The following HERC1 variants were observed in gnomAD, a reference collection of about 807,000 sequenced individuals.
HERC1 encodes HECT and RLD domain containing E3 ubiquitin protein ligase family member 1.
Under a neutral mutation model 554.3 loss-of-function variants are expected in HERC1, and 160 were observed. The ratio of observed to expected loss-of-function variants is 0.29; its 90% CI spans 0.25 to 0.33. The LOEUF (loss-of-function observed/expected upper bound fraction) is 0.33. Among genes scored for constraint, HERC1 ranks in the 10% least tolerant of loss-of-function variants. The pLI is 1.00. For synonymous variants in HERC1, 2,175 were observed against 2,131.7 expected (o/e 1.02, Z -0.56); for missense variants, 4,919 against 5,918.5 (o/e 0.83, Z 5.54).
rs748021465 is a variant in HERC1 at position 63,723,175 on chromosome 15, A to G, written c.3742+7T>C. The stretch of plus-strand genomic sequence containing the variant: ...CAAATTTACTCCCTTTATCTTCTTT[A>G]TCTTACCTTTACTAACAGCATAGTC... On this transcript the variant is annotated splice_region_variant and intron_variant, in intron 19 of 77. Coordinates refer to ENST00000443617, the MANE Select transcript of HERC1 (RefSeq NM_003922.4). 3 of 1,433,576 alleles carry G rather than the reference A, an allele frequency of 2.1e-6. No individual in the cohort carries two copies. In the South Asian group the frequency reaches 5.0e-5, roughly 24 times the overall value. The allele number at this position is 1,433,576 out of a possible 1,614,324, so 88.8% of individuals were successfully genotyped here. A position where few individuals can be genotyped will look rare whatever the true frequency, so the allele number is the denominator to read the frequency against.
At chr15:63,702,876 T>G (rs2072797003) in intron 25 of HERC1, among the ~76,000 whole-genome samples, 1 of 151,672 alleles carries the variant, frequency 6.6e-6, no homozygotes, top group Admixed American at 6.6e-5. Flanking sequence ...GAGACCAAGG[T>G]GGGGGGATCA....
chr15:63,616,816 G>A (rs891001513), intron 74 of HERC1, 134 bp from the exon 75 acceptor site: 7 of 779,618 alleles, frequency 9.0e-6, no homozygotes, highest in Admixed American at 2.8e-5. Context: ...TAAGGCTAAA[G>A]TAATTAAATA....
rs2070001960 is a variant in HERC1 at position 63,655,818 on chromosome 15, C to T, written c.10008G>A (p.Gln3336=). The change falls in exon 50 of 78, where the codon CAG becomes CAA. Residue 3336 remains glutamine, a synonymous_variant. Transcript: ENST00000443617. ...TGTCTGCTAGCAATGCCACAAGGGC[C>T]TGTGTTACAACAAAGTTTGGGGAGG... ...LVTSPNFVVT[Q]ALVALLADKG... 1 of 1,595,256 alleles carries T rather than the reference C, an allele frequency of 6.3e-7. No individual in the cohort carries two copies. Among genetic ancestry groups the T allele is most frequent in the Non-Finnish European group, 8.5e-7 (1 of 1,170,024 alleles).
At position 63,797,055 on chromosome 15, in the gene HERC1, T is replaced by C. The variant is rs185310026; in HGVS notation, c.-26-21406A>G. Among the ~76,000 whole-genome samples, 62 of 152,296 alleles carry C rather than the reference T, an allele frequency of 4.1e-4. No homozygotes were observed. In the East Asian group the frequency reaches 0.011, roughly 28 times the overall value. ...GAGAGGAGGGGGCCATTCAGATGGT[T>C]AGAGAGCTTAGAATTTTATTTTTAG... On this transcript the variant is annotated intron_variant, in intron 1 of 77. Coordinates refer to ENST00000443617, the MANE Select transcript of HERC1 (RefSeq NM_003922.4).
In HERC1 at chr15:63,636,005, G is replaced by T. The variant is rs767078045; in HGVS notation, c.12370C>A (p.Arg4124=). 2 of 1,613,868 alleles carry T rather than the reference G, an allele frequency of 1.2e-6. No individual in the cohort carries two copies. Among genetic ancestry groups the T allele is most frequent in the Admixed American group, 1.7e-5 (1 of 59,986 alleles). Residue 4124 remains arginine, a synonymous_variant, in exon 65 of 78, where the codon CGG becomes AGG. Transcript: ENST00000443617. ...LGHGNSDRQR[R]PRQIEALQGE... ...TGTAAGGCCTCGATCTGCCTGGGCC[G>T]CCGCTGCCTGTCGCTGTTCCCATGG...
chr15:63,826,463 T>A (rs964617369), intron 1 of HERC1, among the ~76,000 whole-genome samples: 1 of 152,092 alleles, frequency 6.6e-6, no homozygotes, highest in Non-Finnish European at 1.5e-5. Context: ...AACCAGTAAC[T>A]ACCATATCAC....
At chr15:63,690,882 G>GTC (rs1434963221) in intron 31 of HERC1, among the ~76,000 whole-genome samples, 3 of 152,092 alleles carry the variant, frequency 2.0e-5, no homozygotes, top group Admixed American at 6.5e-5. Flanking sequence ...TTGTAAAAAA[G>GTC]TATCTGTGCC....
rs1465034367 is a variant in HERC1 at position 63,734,409 on chromosome 15, T to C, written c.2646+315A>G. ...ACGATTTCAGACAAAGTTCTCAGCA[T>C]GGAACCAACAGTAGCACATACACTT... is the stretch of plus-strand genomic sequence containing the variant. On this transcript the variant is annotated intron_variant, in intron 13 of 77. Transcript: ENST00000443617. This position sits in a 1 kb window ranked among gnomAD's most constrained non-coding sequence, Gnocchi z 4.6. Among the ~76,000 whole-genome samples the C allele has an allele frequency of 2.0e-5, 3 of 152,216 alleles. No homozygotes were observed.
At chr15:63,682,996 C>G (rs1198827455) in intron 34 of HERC1, among the ~76,000 whole-genome samples, 1 of 151,918 alleles carries the variant, frequency 6.6e-6, no homozygotes, top group Admixed American at 6.6e-5. Context: ...ATTAGCCAGG[C>G]ATGCTGATGC....
chr15:63,763,674 A>C (rs186664925), intron 3 of HERC1, among the ~76,000 whole-genome samples: 1 of 152,238 alleles, frequency 6.6e-6, no homozygotes, highest in East Asian at 1.9e-4. Context: ...TCAAAGTCAC[A>C]ATAGTGGTTA....
intron 43 of HERC1, 141 bp downstream of exon 43, chr15:63,664,329 A>C: frequency 3.0e-6 from 2 of 676,466 alleles, no homozygotes; most frequent in Non-Finnish European, 4.8e-6. Context: ...ATGCATAGAA[A>C]ATGATATCCA....
At position 63,701,032 on chromosome 15, in the gene HERC1, G is replaced by T. The variant is rs373656985; in HGVS notation, c.4637-2036C>A. The stretch of plus-strand genomic sequence containing the variant: ...CATTGAACTTGTTTTTTGGGGGGGT[G>T]TTTTTTTTTAAATATTAAAATTTTA... On this transcript the variant is annotated intron_variant, in intron 25 of 77. Transcript: ENST00000443617. 4.1e-4 allele frequency among the ~76,000 whole-genome samples: 62 copies of T among 150,208 alleles called. No homozygotes were observed. In the East Asian group the frequency reaches 9.1e-3, roughly 22 times the overall value.
At chr15:63,683,135 CAAAAA>C (rs1336396917) in intron 34 of HERC1, among the ~76,000 whole-genome samples, 2 of 77,736 alleles carry the variant, frequency 2.6e-5, no homozygotes, top group African/African-American at 5.4e-5. Context: ...CACTCTGTCT[CAAAAA>C]AAAAAAAAAA....
chr15:63,693,842 TAAAC>T (rs2072259777), intron 30 of HERC1, 118 bp downstream of exon 30: 3 of 1,024,268 alleles, frequency 2.9e-6, no homozygotes, highest in Admixed American at 2.9e-5. Flanking sequence ...GGTTTGTAAA[TAAAC>T]AAATAAAAAT....
At chr15:63,653,790 T>C (rs1416641362) in intron 51 of HERC1, among the ~76,000 whole-genome samples, 1 of 152,222 alleles carries the variant, frequency 6.6e-6, no homozygotes, top group African/African-American at 2.4e-5. Context: ...TATTTTCCAT[T>C]GGTAGTTGGT....
chr15:63,691,226 G>A lies in HERC1; in HGVS notation c.5831-579C>T, dbSNP rs192528848. On this transcript the variant is annotated intron_variant, in intron 31 of 77. Coordinates refer to ENST00000443617, the MANE Select transcript of HERC1 (RefSeq NM_003922.4). ...CATGCCTGTAATCCCAGCACTTTGG[G>A]AGGCTGAGGCGGGCAGATCACTTAA... 2.5e-4 allele frequency among the ~76,000 whole-genome samples: 38 copies of A among 152,300 alleles called. 2 individuals carry two copies. The East Asian group carries it at 7.3e-3, about 29-fold the overall frequency.
Position 63,727,743 on chromosome 15 carries a change from A to C in HERC1, c.3250T>G (p.Tyr1084Asp). 1 of 1,613,958 alleles carries C rather than the reference A, an allele frequency of 6.2e-7. No homozygotes were observed. Among genetic ancestry groups the C allele is most frequent in the African/African-American group, 1.3e-5 (1 of 75,060 alleles). Residue 1084 changes from tyrosine (Y) to aspartate (D), a missense_variant, in exon 17 of 78, where the codon TAC becomes GAC. By Grantham distance (160) the Tyr-to-Asp change is radical. Transcript: ENST00000443617. This position sits in a 1 kb window ranked among gnomAD's most constrained non-coding sequence, Gnocchi z 4.3. The part of the protein sequence containing the change: ...PVSVARPLLS[Y>D]LLDLLPPLDC... ...AGAGGTGGCAACAAGTCGAGGAGGTAACTCAATAAAGGCCGAGCCACTGAC... is the reference window on the plus strand; with the variant it reads ...AGAGGTGGCAACAAGTCGAGGAGGTCACTCAATAAAGGCCGAGCCACTGAC...
In HERC1 at chr15:63,694,118, G is replaced by A; in HGVS notation, c.5520C>T (p.Ser1840=). The change falls in exon 30 of 78, where the codon TCC becomes TCT. Residue 1840 remains serine, a synonymous_variant. Transcript: ENST00000443617. This position sits in a 1 kb window ranked among gnomAD's most constrained non-coding sequence, Gnocchi z 4.3. ...ADKLSPKVVQ[S]LLDLLCSQLK... ...ACTGACTACAGAGTAGATCCAACAA[G>A]GATTGAACTACTTTGGGACTCAGTT... 6.2e-7 allele frequency: 1 copy of A among 1,609,508 alleles called. No homozygotes were observed. The highest frequency in any genetic ancestry group is 8.5e-7 in the Non-Finnish European group (1 of 1,177,806).
chr15:63,729,353 C>T lies in HERC1; in HGVS notation c.3037G>A (p.Ala1013Thr). 5 of 1,605,868 alleles carry T rather than the reference C, an allele frequency of 3.1e-6. No homozygotes were observed. The highest frequency in any genetic ancestry group is 1.1e-5 in the South Asian group (1 of 89,198). Residue 1013 changes from alanine (A) to threonine (T), a missense_variant, in exon 16 of 78, where the codon GCA (alanine) becomes ACA (threonine). Ala to Thr is a moderately conservative substitution (Grantham distance 58). Around this residue, in one of 11 missense-constraint regions of HERC1, gnomAD observed 1,121 missense variants for 1,244.0 expected, o/e 0.90. Transcript: ENST00000443617. ...NNISENSSSVALLHKHLQLLL... is the reference protein window; with the variant it reads ...NNISENSSSVTLLHKHLQLLL... ...AGCTGAAGATGTTTATGAAGCAATG[C>T]CACACTGCTTGAGTTCTAAGAAGAA... is the stretch of plus-strand genomic sequence containing the variant.
Sources: allele counts gnomAD v4.1 joint callset (sites outside exome capture counted in the v4.1 genomes callset), GRCh38; gene constraint gnomAD v4.1.1; regional missense constraint gnomAD v4.1.1; non-coding constraint Gnocchi (gnomAD v3.1); transcripts MANE v1.5; gene names NCBI Gene and HGNC (gene_info 2026-07-23, HGNC 2026-07-21).